The following NIPBL variants were observed in gnomAD, a reference collection of about 807,000 sequenced individuals.
The protein encoded by NIPBL is nipped-B-like protein.
Under a neutral mutation model 321.8 loss-of-function variants are expected in NIPBL, and 19 were observed. That is an observed-to-expected ratio of 0.06 (90% confidence interval 0.04 to 0.09). The LOEUF is 0.09. NIPBL is among the 10% of genes least tolerant of loss of function. NIPBL has a pLI of 1.00. For missense variants in NIPBL, 2,210 were observed against 3,327.0 expected (o/e 0.66, Z 8.26); for synonymous variants, 1,106 against 1,114.1 (o/e 0.99, Z 0.14).
chr5:36,981,162 A>G (rs1486474539), intron 9 of NIPBL, among the ~76,000 whole-genome samples: 1 of 151,732 alleles, frequency 6.6e-6, no homozygotes, highest in African/African-American at 2.4e-5. Flanking sequence ...TGGAGCAGGC[A>G]GGACTATTTG....
chr5:36,997,176 T>C (rs1746223689), intron 11 of NIPBL, among the ~76,000 whole-genome samples: 1 of 152,026 alleles, frequency 6.6e-6, no homozygotes, highest in African/African-American at 2.4e-5. Flanking sequence ...CAGGAACTCA[T>C]TCCCTTTAAT....
intron 2 of NIPBL, among the ~76,000 whole-genome samples, chr5:36,954,199 A>G (rs1249609830): frequency 1.3e-5 from 2 of 152,212 alleles, no homozygotes; most frequent in Admixed American, 6.5e-5. Context: ...GGAAAAAGAT[A>G]TGAGAGGGAA....
intron 34 of NIPBL, among the ~76,000 whole-genome samples, chr5:37,043,872 C>G (rs1333713486): frequency 6.6e-6 from 1 of 152,166 alleles, no homozygotes; most frequent in African/African-American, 2.4e-5. Context: ...TGGCCTCTAT[C>G]CACTAGATGC....
At chr5:36,967,475 T>C (rs538605619) in intron 6 of NIPBL, among the ~76,000 whole-genome samples, 2 of 152,282 alleles carry the variant, frequency 1.3e-5, no homozygotes, top group Non-Finnish European at 2.9e-5. Flanking sequence ...GATATGCTAA[T>C]CTTAATCCAT....
intron 11 of NIPBL, among the ~76,000 whole-genome samples, chr5:37,000,124 C>T (rs1276068529): frequency 1.3e-5 from 2 of 152,208 alleles, no homozygotes; most frequent in East Asian, 3.9e-4. Context: ...TTTCAAGAAC[C>T]TTCCTCTCTG....
intron 1 of NIPBL, among the ~76,000 whole-genome samples, chr5:36,889,586 C>T (rs923470707): frequency 6.6e-6 from 1 of 152,142 alleles, no homozygotes; most frequent in Non-Finnish European, 1.5e-5. Flanking sequence ...TTACAATAAG[C>T]TTGTAACTGT....
intron 29 of NIPBL, among the ~76,000 whole-genome samples, chr5:37,023,403 T>G (rs570313003): frequency 6.6e-6 from 1 of 152,216 alleles, no homozygotes; most frequent in Non-Finnish European, 1.5e-5. Flanking sequence ...TTTTTAAAAC[T>G]CTTTAATATG....
intron 40 of NIPBL, among the ~76,000 whole-genome samples, chr5:37,050,732 A>G (rs921925722): frequency 6.6e-6 from 1 of 152,206 alleles, no homozygotes; most frequent in Non-Finnish European, 1.5e-5. Context: ...TAATATAATC[A>G]TTAAATTTGG....
At chr5:37,032,560 T>C (rs1580532282) in intron 32 of NIPBL, among the ~76,000 whole-genome samples, 1 of 151,982 alleles carries the variant, frequency 6.6e-6, no homozygotes, top group East Asian at 1.9e-4. Flanking sequence ...ATTTGAAGCC[T>C]GGAGTTTTAG....
intron 6 of NIPBL, among the ~76,000 whole-genome samples, chr5:36,967,490 G>GA (rs886525324): frequency 5.3e-5 from 8 of 151,886 alleles, no homozygotes; most frequent in Non-Finnish European, 1.2e-4. Flanking sequence ...ATCCATTCCA[G>GA]AAAAAAGAAA....
intron 28 of NIPBL, 35 bp downstream of exon 28, chr5:37,022,184 G>A (rs543309426): frequency 1.1e-5 from 17 of 1,612,898 alleles, no homozygotes; most frequent in South Asian, 6.6e-5. Flanking sequence ...TTTTCTACTC[G>A]AATTGGAATA....
rs1743835725 is a variant in NIPBL, at chr5:36,978,969, CA to C, written c.1495+2568del. Among the ~76,000 whole-genome samples the C allele has an allele frequency of 3.3e-5, 5 of 151,962 alleles. No homozygotes were observed. The South Asian group carries it at 1.0e-3, about 31-fold the overall frequency. On this transcript the variant is annotated intron_variant, in intron 9 of 46. Transcript: ENST00000282516. ...TGTGTGCCTATTTTTATACCAGTAC[CA>C]TGCTGTTTTGCTTACTCTAGTCTTG...
At chr5:37,004,867 A>G (rs1271732264) in intron 16 of NIPBL, among the ~76,000 whole-genome samples, 1 of 152,212 alleles carries the variant, frequency 6.6e-6, no homozygotes, top group Non-Finnish European at 1.5e-5. Context: ...TATGTAGTAT[A>G]TATATTTAAT....
At chr5:36,978,406 T>C (rs1743754384) in intron 9 of NIPBL, among the ~76,000 whole-genome samples, 2 of 152,080 alleles carry the variant, frequency 1.3e-5, no homozygotes, top group Admixed American at 1.3e-4. Flanking sequence ...TTTTGAGAAG[T>C]GTCTGTTCAT....
intron 20 of NIPBL, among the ~76,000 whole-genome samples, chr5:37,009,004 T>C (rs897542896): frequency 4.6e-5 from 7 of 152,208 alleles, no homozygotes; most frequent in Non-Finnish European, 8.8e-5. Context: ...CATAGCTGTC[T>C]AGTGGAATAC....
At chr5:36,914,812 C>G (rs1748334382) in intron 1 of NIPBL, among the ~76,000 whole-genome samples, 1 of 152,110 alleles carries the variant, frequency 6.6e-6, no homozygotes. Flanking sequence ...TAAATGTAAA[C>G]TGATTTTGAG....
intron 6 of NIPBL, among the ~76,000 whole-genome samples, chr5:36,968,461 C>A (rs1241050271): frequency 6.6e-6 from 1 of 151,808 alleles, no homozygotes; most frequent in Non-Finnish European, 1.5e-5. Flanking sequence ...CCCAGCTACT[C>A]CGAAGGCTGA....
chr5:36,888,478 A>C (rs1746081206), intron 1 of NIPBL, among the ~76,000 whole-genome samples: 1 of 152,084 alleles, frequency 6.6e-6, no homozygotes, highest in Admixed American at 6.5e-5. Flanking sequence ...GGGAATGTAT[A>C]AGGAAAGTTA....
At position 36,976,365 on chromosome 5, in the gene NIPBL, T is replaced by G; in HGVS notation, c.1458T>G (p.Ile486Met). The G allele has an allele frequency of 6.2e-7, 1 of 1,611,000 alleles. No individual in the cohort carries two copies. The highest frequency in any genetic ancestry group is 1.1e-5 in the South Asian group (1 of 91,074). The change falls in exon 9 of 47, where the codon ATT becomes ATG. Residue 486 changes from isoleucine to methionine, a missense_variant. Physicochemically the swap from Ile to Met is conservative, Grantham distance 10 (BLOSUM62 1). This residue lies in a region of NIPBL where 464 missense variants were observed against 529.5 expected (regional missense o/e 0.88). Coordinates refer to ENST00000282516, the MANE Select transcript of NIPBL (RefSeq NM_133433.4). Reference protein sequence around the residue: ...EIERIERESAIERERFSKEVQ... With the variant: ...EIERIERESAMERERFSKEVQ... ...AGCGAATAGAGAGAGAATCAGCTAT[T>G]GAAAGGGAGCGCTTCTCAAAAGAAG... is the stretch of plus-strand genomic sequence containing the variant.
Sources: allele counts gnomAD v4.1 joint callset (sites outside exome capture counted in the v4.1 genomes callset), GRCh38; gene constraint gnomAD v4.1.1; regional missense constraint gnomAD v4.1.1; transcripts MANE v1.5; gene names NCBI Gene and HGNC (gene_info 2026-07-23, HGNC 2026-07-21).